Variants in UBE2E2 observed in about 807,000 individuals in gnomAD.
The protein encoded by UBE2E2 is ubiquitin-conjugating enzyme E2 E2.
In UBE2E2, 6 loss-of-function variants were observed where a neutral mutation model predicts 24.7. The observed-to-expected ratio is 0.24, with a 90% CI of 0.13 to 0.48. UBE2E2 has a LOEUF of 0.48. UBE2E2 is among the 20% of genes least tolerant of loss of function. UBE2E2 has a pLI of 0.99. For missense variants in UBE2E2, 169 were observed against 245.0 expected (o/e 0.69, Z 2.07); for synonymous variants, 104 against 83.6 (o/e 1.24, Z -1.33).
rs530459813 is a variant in UBE2E2 at position 23,204,364 on chromosome 3, G to A, written c.-9+900G>A. ...GTTAGACCCATTTGCATGTTTTCAAGATTCATCGTTTTGTATTGTGTATTC... is the reference window on the plus strand; with the variant it reads ...GTTAGACCCATTTGCATGTTTTCAAAATTCATCGTTTTGTATTGTGTATTC... On this transcript the variant is annotated intron_variant, in intron 1 of 5. Transcript: ENST00000396703. Among the ~76,000 whole-genome samples the A allele has an allele frequency of 2.6e-5, 4 of 152,130 alleles. No homozygotes were observed. In the South Asian group the frequency reaches 6.3e-4, roughly 24 times the overall value.
intron 4 of UBE2E2, among the ~76,000 whole-genome samples, chr3:23,500,545 G>T (rs1699698907): frequency 6.6e-6 from 1 of 152,192 alleles, no homozygotes; most frequent in Admixed American, 6.5e-5. Context: ...AGGACACTAT[G>T]TTTTGACTAC....
chr3:23,389,013 A>AAAAAAG (rs571131268), intron 3 of UBE2E2, among the ~76,000 whole-genome samples: 3 of 148,524 alleles, frequency 2.0e-5, no homozygotes, highest in African/African-American at 5.2e-5. Context: ...AAAAAAAAAA[A>AAAAAAG]AAAAAGAAAA....
At chr3:23,507,789 AG>A in intron 4 of UBE2E2, among the ~76,000 whole-genome samples, 1 of 152,342 alleles carries the variant, frequency 6.6e-6, no homozygotes, top group South Asian at 2.1e-4. Flanking sequence ...GGGAGAGGAA[AG>A]ACAGTATGAG....
chr3:23,221,916 A>C (rs569019777), intron 3 of UBE2E2, among the ~76,000 whole-genome samples: 1 of 152,198 alleles, frequency 6.6e-6, no homozygotes, highest in Admixed American at 6.5e-5. Flanking sequence ...TAAAATATAC[A>C]TACATGATTT....
chr3:23,358,105 G>T (rs1295015477), intron 3 of UBE2E2, among the ~76,000 whole-genome samples: 1 of 152,142 alleles, frequency 6.6e-6, no homozygotes, highest in Non-Finnish European at 1.5e-5. Context: ...CAAAATGCTA[G>T]GCCAGGCATG....
intron 3 of UBE2E2, among the ~76,000 whole-genome samples, chr3:23,285,014 C>T (rs7641764): frequency 6.6e-6 from 1 of 150,728 alleles, no homozygotes; most frequent in Non-Finnish European, 1.5e-5. Flanking sequence ...CCACTCCCCC[C>T]ACCCCATGCC....
At chr3:23,230,555 C>T (rs187670318) in intron 3 of UBE2E2, among the ~76,000 whole-genome samples, 12 of 152,104 alleles carry the variant, frequency 7.9e-5, no homozygotes, top group South Asian at 2.1e-4. Flanking sequence ...GAGGCCGAGG[C>T]GGGTGGATCA....
chr3:23,362,918 C>T (rs1200188294), intron 3 of UBE2E2, among the ~76,000 whole-genome samples: 2 of 100,902 alleles, frequency 2.0e-5, no homozygotes, highest in South Asian at 3.4e-4. Context: ...ACAAAGGGAA[C>T]CCCATCAGGC....
At chr3:23,375,537 G>A (rs1236848830) in intron 3 of UBE2E2, among the ~76,000 whole-genome samples, 2 of 152,262 alleles carry the variant, frequency 1.3e-5, no homozygotes, top group African/African-American at 2.4e-5. Flanking sequence ...CAATAAATGA[G>A]TGAGTGATAT....
chr3:23,549,417 A>C (rs1695592806), intron 5 of UBE2E2, among the ~76,000 whole-genome samples: 1 of 152,206 alleles, frequency 6.6e-6, no homozygotes. Context: ...AGAACAATGC[A>C]AGGTTATACC....
At chr3:23,354,077 A>G (rs1481354860) in intron 3 of UBE2E2, among the ~76,000 whole-genome samples, 15 of 152,170 alleles carry the variant, frequency 9.9e-5, no homozygotes, top group Non-Finnish European at 1.8e-4. Context: ...CTCAGAAATA[A>G]CGCCACATAT....
At chr3:23,318,046 T>C (rs536425390) in intron 3 of UBE2E2, among the ~76,000 whole-genome samples, 1 of 152,138 alleles carries the variant, frequency 6.6e-6, no homozygotes, top group East Asian at 1.9e-4. Flanking sequence ...CTTATCTAGG[T>C]TTTAAAAAAC....
At chr3:23,365,593 AAC>A (rs1696229960) in intron 3 of UBE2E2, among the ~76,000 whole-genome samples, 1 of 152,138 alleles carries the variant, frequency 6.6e-6, no homozygotes, top group African/African-American at 2.4e-5. Context: ...AGAATTACAA[AAC>A]ACTGCCCAAA....
At chr3:23,548,666 CT>C (rs1695575564) in intron 5 of UBE2E2, among the ~76,000 whole-genome samples, 1 of 152,176 alleles carries the variant, frequency 6.6e-6, no homozygotes, top group Non-Finnish European at 1.5e-5. Flanking sequence ...TTTCTCTTCT[CT>C]TTTCTTATCC....
At chr3:23,510,335 G>A (rs1694565865) in intron 4 of UBE2E2, among the ~76,000 whole-genome samples, 1 of 152,172 alleles carries the variant, frequency 6.6e-6, no homozygotes, top group Non-Finnish European at 1.5e-5. Flanking sequence ...GACTGGGCAT[G>A]GTGGCTCACG....
intron 5 of UBE2E2, among the ~76,000 whole-genome samples, chr3:23,549,072 G>T (rs956429440): frequency 1.2e-4 from 19 of 152,146 alleles, no homozygotes; most frequent in African/African-American, 4.6e-4. Context: ...CAGCTAAACT[G>T]TTTCTTTTTT....
intron 3 of UBE2E2, among the ~76,000 whole-genome samples, chr3:23,413,970 C>T (rs1034157721): frequency 1.3e-5 from 2 of 152,096 alleles, no homozygotes; most frequent in Admixed American, 6.5e-5. Context: ...TTTGTTCCTT[C>T]TTTTGTATGT....
chr3:23,329,199 T>G (rs1694994907), intron 3 of UBE2E2, among the ~76,000 whole-genome samples: 1 of 152,128 alleles, frequency 6.6e-6, no homozygotes, highest in Admixed American at 6.5e-5. Context: ...TAGGGGAAAG[T>G]CAGTATTTTG....
intron 3 of UBE2E2, among the ~76,000 whole-genome samples, chr3:23,464,821 A>T (rs959212823): frequency 1.3e-5 from 2 of 152,208 alleles, no homozygotes; most frequent in Non-Finnish European, 2.9e-5. Flanking sequence ...TTGCATTGGG[A>T]ATCAAATGAG....
Sources: allele counts gnomAD v4.1 joint callset (sites outside exome capture counted in the v4.1 genomes callset), GRCh38; gene constraint gnomAD v4.1.1; transcripts MANE v1.5; gene names NCBI Gene and HGNC (gene_info 2026-07-23, HGNC 2026-07-21).